Variants in KLHL23 observed in about 807,000 individuals in gnomAD.
KLHL23 encodes the protein kelch-like protein 23.
A neutral mutation model predicts 48.9 loss-of-function variants in KLHL23; 33 were observed. The observed-to-expected ratio is 0.67, with a 90% confidence interval of 0.51 to 0.90. The LOEUF (loss-of-function observed/expected upper bound fraction) is 0.90. Among genes scored for constraint, KLHL23 ranks in the 40% least tolerant of loss-of-function variants. The probability of loss-of-function intolerance (pLI) is 0.00; values close to 1 mark genes in which losing one functional copy is unlikely to be tolerated. For missense variants in KLHL23, 608 were observed against 669.6 expected, an observed-to-expected ratio of 0.91 and a Z score of 1.02; for synonymous variants, 234 against 231.6, an observed-to-expected ratio of 1.01 and a Z score of -0.09.
Position 169,735,842 on chromosome 2 carries a change from T to C in KLHL23, c.828T>C (p.Tyr276=). The stretch of plus-strand genomic sequence containing the variant: ...CCCAGAGGTCCACAGCCACAATGTA[T>C]ATAATTGGAGGCTATTACTGGCATC... ...EISQRSTATM[Y]IIGGYYWHPL... is the part of the protein sequence containing the mutation. Residue 276 remains tyrosine (Y), a synonymous_variant, in exon 2 of 4, where the codon TAT becomes TAC. Transcript: ENST00000392647. The surrounding 1 kb of genome is among the most constrained non-coding windows in gnomAD (Gnocchi z 4.5). 3 of 1,614,150 alleles carry C rather than the reference T, an allele frequency of 1.9e-6. No homozygotes were observed. The highest frequency in any genetic ancestry group is 2.5e-6 in the Non-Finnish European group (3 of 1,180,044).
chr2:169,749,430 T>C lies in KLHL23; in HGVS notation c.1375T>C (p.Leu459=). The C allele has an allele frequency of 6.2e-7, 1 of 1,604,490 alleles. No homozygotes were observed. The highest frequency in any genetic ancestry group is 1.3e-5 in the African/African-American group (1 of 74,666). The change falls in exon 4 of 4, where the codon TTG becomes CTG. Residue 459 remains leucine (L), a synonymous_variant. Transcript: ENST00000392647. The part of the protein sequence containing the change: ...ITSSPHPEYG[L]CSVPFENKLY... ...TTTTTTCTTTTTAAAAGAATATGGA[T>C]TGTGCTCAGTTCCGTTTGAAAATAA...
At chr2:169,741,345 A>G (rs778895112) in intron 2 of KLHL23, 40 bp from the exon 3 acceptor site, 2 of 1,566,724 alleles carry the variant, frequency 1.3e-6, no homozygotes, top group East Asian at 4.5e-5. Context: ...AAAAAAGAAC[A>G]AAAGATCAAT....
intron 3 of KLHL23, among the ~76,000 whole-genome samples, chr2:169,744,628 G>A (rs1186959441): frequency 6.6e-6 from 1 of 150,768 alleles, no homozygotes; most frequent in East Asian, 1.9e-4. Flanking sequence ...GTGTGATCTC[G>A]GCTAACCGCA....
rs1034913081 is a variant in KLHL23, at chr2:169,741,504, G to A, written c.1333G>A (p.Glu445Lys). The A allele has an allele frequency of 8.7e-6, 14 of 1,613,766 alleles. No homozygotes were observed. The highest frequency in any genetic ancestry group is 1.3e-5 in the African/African-American group (1 of 74,890). The change falls in exon 3 of 4, where the codon GAA (glutamate) becomes AAA (lysine). Residue 445 changes from glutamate (E) to lysine (K), a missense_variant. Coordinates refer to ENST00000392647, the MANE Select transcript of KLHL23 (RefSeq NM_144711.6). Reference protein sequence around the residue: ...KVQSYNSDINEWSLITSSPHP... With the variant: ...KVQSYNSDINKWSLITSSPHP... ...TCAGAGCTACAATTCCGATATCAAC[G>A]AATGGAGCCTCATCACCTCCAGTCC...
At chr2:169,745,408 G>T (rs967552593) in intron 3 of KLHL23, among the ~76,000 whole-genome samples, 3 of 150,766 alleles carry the variant, frequency 2.0e-5, no homozygotes, top group African/African-American at 7.3e-5. Flanking sequence ...AGCTACTCGG[G>T]AGGCTGAGCC....
chr2:169,741,331 C>T (rs1688671975), intron 2 of KLHL23, 54 bp from the exon 3 acceptor site: 1 of 1,558,508 alleles, frequency 6.4e-7, no homozygotes, highest in African/African-American at 1.4e-5. Flanking sequence ...CCAGGGTTCA[C>T]TGCAAAAAAG....
chr2:169,735,990 G>T lies in KLHL23; in HGVS notation c.976G>T (p.Gly326Trp). ...TCLGPNIYVT[G>W]GYRTDNIEAL... ...TTTAGGACCCAACATTTATGTAACT[G>T]GGGGCTACAGGACGGATAACATAGA... The change falls in exon 2 of 4, where the codon GGG becomes TGG. Residue 326 changes from glycine to tryptophan, a missense_variant. By Grantham distance (184) the Gly-to-Trp change is radical. Around this residue, in one of 3 missense-constraint regions of KLHL23, gnomAD observed 419 missense variants for 473.1 expected, o/e 0.89. Transcript: ENST00000392647. The surrounding 1 kb of genome is among the most constrained non-coding windows in gnomAD (Gnocchi z 4.5). The T allele has an allele frequency of 6.2e-7, 1 of 1,614,162 alleles. No individual in the cohort carries two copies. The highest frequency in any genetic ancestry group is 1.1e-5 in the South Asian group (1 of 91,070).
At chr2:169,744,936 G>GTTTTT (rs1383445861) in intron 3 of KLHL23, among the ~76,000 whole-genome samples, 1 of 130,402 alleles carries the variant, frequency 7.7e-6, no homozygotes. Context: ...CTAGGTTTTT[G>GTTTTT]TTTTTTGTTT....
At chr2:169,737,737 C>T (rs964466683) in intron 2 of KLHL23, among the ~76,000 whole-genome samples, 3 of 151,774 alleles carry the variant, frequency 2.0e-5, no homozygotes, top group Admixed American at 2.0e-4. Flanking sequence ...GCCTCAGCCT[C>T]CTGAGTAGCT....
At chr2:169,743,175 G>A (rs1022108216) in intron 3 of KLHL23, among the ~76,000 whole-genome samples, 1 of 152,054 alleles carries the variant, frequency 6.6e-6, no homozygotes, top group Non-Finnish European at 1.5e-5. Flanking sequence ...AAGAAAATCC[G>A]ATACATGAAA....
intron 2 of KLHL23, among the ~76,000 whole-genome samples, chr2:169,738,833 CCTCCTCCCCCTCCCCTTCCT>C (rs1688583071): frequency 4.8e-5 from 1 of 20,984 alleles, no homozygotes. Context: ...ATTTCCTCCC[CCTCCTCCCCCTCCCCTTCCT>C]CACCCTCCCC....
At chr2:169,737,406 C>T (rs571807970) in intron 2 of KLHL23, among the ~76,000 whole-genome samples, 9 of 152,234 alleles carry the variant, frequency 5.9e-5, no homozygotes, top group Admixed American at 2.6e-4. Context: ...TGCTGTTGCT[C>T]CCCTGGTTTT....
At position 169,749,801 on chromosome 2, in the gene KLHL23, T is replaced by C; in HGVS notation, c.*69T>C. ...AGTTTTATAAAAAAAGAATGCAGGG[T>C]TTGAAGTTCCTTACCTGATAATTGT... On this transcript the variant is annotated 3_prime_UTR_variant, in exon 4 of 4. Coordinates refer to ENST00000392647, the MANE Select transcript of KLHL23 (RefSeq NM_144711.6). 1 of 1,513,682 alleles carries C rather than the reference T, an allele frequency of 6.6e-7. No homozygotes were observed. Among genetic ancestry groups the C allele is most frequent in the Non-Finnish European group, 8.9e-7 (1 of 1,126,978 alleles). The allele number at this position is 1,513,682 out of a possible 1,614,324, so 93.8% of individuals were successfully genotyped here.
intron 3 of KLHL23, among the ~76,000 whole-genome samples, chr2:169,746,732 T>C (rs1688800202): frequency 6.6e-6 from 1 of 152,244 alleles, no homozygotes; most frequent in Admixed American, 6.5e-5. Context: ...TTTACTGCTA[T>C]AGGAAGACAG....
Position 169,735,147 on chromosome 2 carries a change from G to C in KLHL23, c.133G>C (p.Gly45Arg). 2 of 1,613,380 alleles carry C rather than the reference G, an allele frequency of 1.2e-6. No homozygotes were observed. Among genetic ancestry groups the C allele is most frequent in the East Asian group, 4.5e-5 (2 of 44,880 alleles). ...FTDITLQCPS[G>R]IIFHCHRAVL... ...TGATATTACTCTTCAGTGTCCTTCA[G>C]GCATAATTTTCCATTGTCACCGAGC... The change falls in exon 2 of 4, where the codon GGC (glycine) becomes CGC (arginine). Residue 45 changes from glycine to arginine, a missense_variant. Transcript: ENST00000392647. The surrounding 1 kb of genome is among the most constrained non-coding windows in gnomAD (Gnocchi z 4.5).
intron 3 of KLHL23, among the ~76,000 whole-genome samples, chr2:169,748,010 G>T (rs1308076102): frequency 1.3e-5 from 2 of 152,162 alleles, no homozygotes; most frequent in Non-Finnish European, 2.9e-5. Flanking sequence ...TATAGTCCCA[G>T]CTTCTTGAGA....
rs763320326 is a variant in KLHL23, at chr2:169,735,371, C to G, written c.357C>G (p.Phe119Leu). The change falls in exon 2 of 4, where the codon TTC (phenylalanine) becomes TTG (leucine). Residue 119 changes from phenylalanine to leucine, a missense_variant. Transcript: ENST00000392647. This position sits in a 1 kb window ranked among gnomAD's most constrained non-coding sequence, Gnocchi z 4.5. ...SLLEAADLLQFLSVKKACERF... is the reference protein window; with the variant it reads ...SLLEAADLLQLLSVKKACERF... ...TTGAGGCAGCGGATCTGCTACAGTT[C>G]CTTTCAGTAAAGAAGGCTTGTGAGC... 3 of 1,612,898 alleles carry G rather than the reference C, an allele frequency of 1.9e-6. No homozygotes were observed. The highest frequency in any genetic ancestry group is 2.5e-6 in the Non-Finnish European group (3 of 1,179,778).
At chr2:169,747,119 C>T (rs1688808697) in intron 3 of KLHL23, among the ~76,000 whole-genome samples, 1 of 152,050 alleles carries the variant, frequency 6.6e-6, no homozygotes, top group Non-Finnish European at 1.5e-5. Context: ...CACGGTGGCT[C>T]ACGCCTGTAA....
In KLHL23 at chr2:169,745,294, T is replaced by C. The variant is rs1325332477; in HGVS notation, c.1366+3757T>C. ...TTGGGAGGCCAAGGTGGGCGGATCA[T>C]GAGGTCAGGAGATCGAGACCATCCT... is the stretch of plus-strand genomic sequence containing the variant. On this transcript the variant is annotated intron_variant, in intron 3 of 3. Coordinates refer to ENST00000392647, the MANE Select transcript of KLHL23 (RefSeq NM_144711.6). Among the ~76,000 whole-genome samples the C allele has an allele frequency of 1.1e-4, 17 of 151,840 alleles. No homozygotes were observed. The South Asian group carries it at 2.9e-3, about 26-fold the overall frequency.
Sources: allele counts gnomAD v4.1 joint callset (sites outside exome capture counted in the v4.1 genomes callset), GRCh38; gene constraint gnomAD v4.1.1; regional missense constraint gnomAD v4.1.1; non-coding constraint Gnocchi (gnomAD v3.1); transcripts MANE v1.5; gene names NCBI Gene and HGNC (gene_info 2026-07-23, HGNC 2026-07-21).